Variants in ARHGAP44 observed in about 807,000 individuals in gnomAD.
The protein encoded by ARHGAP44 is rho GTPase-activating protein 44.
ARHGAP44 carries 43 observed loss-of-function variants against 106.8 expected under a neutral mutation model. That is an observed-to-expected ratio of 0.40 (90% CI 0.32 to 0.52). The LOEUF (loss-of-function observed/expected upper bound fraction) is 0.52, where lower values mean the gene tolerates loss of function less well. Ranked by LOEUF, ARHGAP44 falls within the 20% of genes least tolerant of loss-of-function variation. The pLI, the probability that ARHGAP44 is intolerant of heterozygous loss-of-function variation, is 0.48. For synonymous variants in ARHGAP44, 439 were observed against 410.3 expected (o/e 1.07, Z -0.85); for missense variants, 866 against 1,050.5 (o/e 0.82, Z 2.43).
chr17:12,873,950 TAAAA>T (rs2036478555), intron 1 of ARHGAP44, among the ~76,000 whole-genome samples: 7 of 114,662 alleles, frequency 6.1e-5, no homozygotes, highest in African/African-American at 2.3e-4. Flanking sequence ...AATAAATAAA[TAAAA>T]GAAAGAAAGA....
At chr17:12,900,199 G>A (rs754660513) in intron 3 of ARHGAP44, among the ~76,000 whole-genome samples, 1 of 151,626 alleles carries the variant, frequency 6.6e-6, no homozygotes, top group South Asian at 2.1e-4. Context: ...GCACCATTTC[G>A]ACTCACTGCA....
At chr17:12,871,716 T>C (rs2036412698) in intron 1 of ARHGAP44, among the ~76,000 whole-genome samples, 1 of 152,120 alleles carries the variant, frequency 6.6e-6, no homozygotes, top group African/African-American at 2.4e-5. Flanking sequence ...ACCATACCAG[T>C]ACTGTTCTTG....
rs191160788 is a variant in ARHGAP44 at position 12,807,879 on chromosome 17, C to G, written c.53+17988C>G. ...AAGTCTCATCTGAGACAAGGCAAGT[C>G]TCTTCTGCCTATGAGCCTGTAAAAC... On this transcript the variant is annotated intron_variant, in intron 1 of 20. Transcript: ENST00000379672. 5.9e-5 allele frequency among the ~76,000 whole-genome samples: 9 copies of G among 152,348 alleles called. No homozygotes were observed. In the East Asian group the frequency reaches 1.7e-3, roughly 29 times the overall value.
rs562318442 is a variant in ARHGAP44 at position 12,987,132 on chromosome 17, C to T, written c.2317+2224C>T. 1.7e-4 allele frequency: 258 copies of T among 1,532,854 alleles called. 1 individual carries two copies. The highest frequency in any genetic ancestry group is 1.0e-3 in the African/African-American group (75 of 72,602). The allele number at this position is 1,532,854 out of a possible 1,614,324, so 95.0% of individuals were successfully genotyped here. A position where few individuals can be genotyped will look rare whatever the true frequency, so the allele number is the denominator to read the frequency against. On this transcript the variant is annotated intron_variant, in intron 20 of 20. Transcript: ENST00000379672. ...GACATGAGTGGCGCAGTTTTGGATACGTGTGAGGGGGATTTTCAGGGTAAG... is the reference window on the plus strand; with the variant it reads ...GACATGAGTGGCGCAGTTTTGGATATGTGTGAGGGGGATTTTCAGGGTAAG...
chr17:12,973,904 C>A, intron 17 of ARHGAP44, 185 bp from the exon 18 acceptor site: 1 of 682,668 alleles, frequency 1.5e-6, no homozygotes, highest in Non-Finnish European at 2.5e-6. Context: ...AGGGCTGTGT[C>A]TTGGCCGCCG....
intron 1 of ARHGAP44, among the ~76,000 whole-genome samples, chr17:12,793,887 A>G (rs2033841252): frequency 6.6e-6 from 1 of 152,188 alleles, no homozygotes; most frequent in African/African-American, 2.4e-5. Flanking sequence ...ATTCTTTGGC[A>G]ATGGAATGAG....
chr17:12,853,258 G>A (rs2035815328), intron 1 of ARHGAP44, among the ~76,000 whole-genome samples: 2 of 152,182 alleles, frequency 1.3e-5, no homozygotes, highest in African/African-American at 4.8e-5. Context: ...AAGGATGGAG[G>A]CCAGAAGACT....
chr17:12,816,641 C>A (rs893151913), intron 1 of ARHGAP44, among the ~76,000 whole-genome samples: 12 of 151,920 alleles, frequency 7.9e-5, no homozygotes, highest in African/African-American at 2.9e-4. Flanking sequence ...CAGTGGACTT[C>A]AAGGAAAATT....
intron 2 of ARHGAP44, among the ~76,000 whole-genome samples, chr17:12,895,405 C>T (rs1161742056): frequency 6.6e-6 from 1 of 152,126 alleles, no homozygotes; most frequent in Non-Finnish European, 1.5e-5. Flanking sequence ...AAAGCTGTCT[C>T]TCATTGCAGT....
intron 1 of ARHGAP44, among the ~76,000 whole-genome samples, chr17:12,795,559 A>AT (rs61228252): frequency 0.039 from 5,777 of 148,518 alleles, 141 homozygotes; most frequent in African/African-American, 0.053. Flanking sequence ...AATAAGGACC[A>AT]TTTTTTTTTT....
intron 1 of ARHGAP44, among the ~76,000 whole-genome samples, chr17:12,839,374 G>C (rs2035330071): frequency 6.6e-6 from 1 of 152,134 alleles, no homozygotes. Context: ...CACCCTGTGG[G>C]TCCTTTACCA....
intron 20 of ARHGAP44, chr17:12,988,136 C>G (rs1226889015): frequency 2.6e-5 from 4 of 152,298 alleles, no homozygotes; most frequent in African/African-American, 9.6e-5. Flanking sequence ...GGCTTCTGCC[C>G]CTGAATCCCA....
Position 12,980,151 on chromosome 17 carries a change from G to C in ARHGAP44, c.1857G>C (p.Gly619=), listed in dbSNP as rs144123430. 7.9e-4 allele frequency: 1,274 copies of C among 1,613,484 alleles called. 16 individuals carry two copies. In the East Asian group the frequency reaches 0.026, roughly 33 times the overall value. The change falls in exon 19 of 21, where the codon GGG becomes GGC. Residue 619 remains glycine, a synonymous_variant. Transcript: ENST00000379672. ...CAGCCTGTGCAGGGACTCAACCAGG[G>C]GCTCAACCTGGAGCTCAGCCGGGCG... The part of the protein sequence containing the change: ...QGTACAGTQP[G]AQPGAQPGAS...
chr17:12,808,396 T>C (rs1371107532), intron 1 of ARHGAP44, among the ~76,000 whole-genome samples: 1 of 152,254 alleles, frequency 6.6e-6, no homozygotes. Context: ...GCCCTGTCAC[T>C]GCAGCAGACT....
intron 20 of ARHGAP44, among the ~76,000 whole-genome samples, chr17:12,989,709 T>A (rs1453760065): frequency 6.6e-6 from 1 of 152,070 alleles, no homozygotes; most frequent in Admixed American, 6.6e-5. Context: ...CCCAAAAAGG[T>A]GTCATTGAGA....
intron 10 of ARHGAP44, among the ~76,000 whole-genome samples, chr17:12,948,356 A>G (rs1009665731): frequency 1.3e-5 from 2 of 152,206 alleles, no homozygotes; most frequent in African/African-American, 4.8e-5. Context: ...CTTCCCCTGA[A>G]GGCATAGACT....
chr17:12,857,532 A>G (rs955219136), intron 1 of ARHGAP44, among the ~76,000 whole-genome samples: 3 of 152,096 alleles, frequency 2.0e-5, no homozygotes, highest in Non-Finnish European at 4.4e-5. Flanking sequence ...AGTCCTAATT[A>G]TCTCCCAAAG....
intron 1 of ARHGAP44, among the ~76,000 whole-genome samples, chr17:12,879,728 A>G (rs1168905173): frequency 6.7e-6 from 1 of 150,184 alleles, no homozygotes; most frequent in Non-Finnish European, 1.5e-5. Context: ...AAAAATATAT[A>G]TATATACACA....
intron 18 of ARHGAP44, among the ~76,000 whole-genome samples, chr17:12,977,633 G>A (rs1018025250): frequency 2.0e-5 from 3 of 152,138 alleles, no homozygotes; most frequent in East Asian, 1.9e-4. Flanking sequence ...CCTTGTTCAG[G>A]TAGCGCCCCT....
Sources: gnomAD v4.1 joint callset for allele counts (sites outside exome capture counted in the v4.1 genomes callset) on GRCh38, gnomAD v4.1.1 for gene constraint, MANE v1.5 for transcripts, NCBI Gene and HGNC (gene_info 2026-07-23, HGNC 2026-07-21) for gene names.